Variants in EYA4 observed in about 807,000 individuals in gnomAD.
EYA4 encodes the protein EYA transcriptional coactivator and phosphatase 4.
In EYA4, 31 loss-of-function variants were observed where a neutral mutation model predicts 87.9. The ratio of observed to expected loss-of-function variants is 0.35; its 90% CI spans 0.27 to 0.48. The LOEUF (loss-of-function observed/expected upper bound fraction) is 0.48. Ranked by LOEUF, EYA4 falls within the 20% of genes least tolerant of loss-of-function variation. The pLI is 0.99. For missense variants in EYA4, 678 were observed against 761.4 expected (o/e 0.89, Z 1.29); for synonymous variants, 263 against 270.6 (o/e 0.97, Z 0.28).
rs1306863760 is a variant in EYA4 at position 133,529,217 on chromosome 6, C to T, written c.*412C>T. On this transcript the variant is annotated 3_prime_UTR_variant, in exon 20 of 20. Coordinates refer to ENST00000355286, the MANE Select transcript of EYA4 (RefSeq NM_004100.5). ...AGGTTTGAATCTGACTTTAGCCTAC[C>T]TAACCCAGAAAATCTGAATTGGAAT... 16 of 1,135,402 alleles carry T rather than the reference C, an allele frequency of 1.4e-5. No individual in the cohort carries two copies. Among genetic ancestry groups the T allele is most frequent in the Non-Finnish European group, 1.7e-5 (16 of 918,144 alleles). The allele number at this position is 1,135,402 out of a possible 1,614,324, so 70.3% of individuals were successfully genotyped here. A position where few individuals can be genotyped will look rare whatever the true frequency, so the allele number is the denominator to read the frequency against.
intron 2 of EYA4, among the ~76,000 whole-genome samples, chr6:133,368,057 C>G (rs1784988499): frequency 6.6e-6 from 1 of 152,142 alleles, no homozygotes; most frequent in African/African-American, 2.4e-5. Context: ...TATTAAAAAT[C>G]ATCTATGCAA....
intron 17 of EYA4, among the ~76,000 whole-genome samples, chr6:133,522,524 C>T (rs922612578): frequency 1.3e-5 from 2 of 152,010 alleles, no homozygotes. Flanking sequence ...AACAGAAACA[C>T]TGAAAGTAAA....
At chr6:133,473,065 A>G (rs1327992137) in intron 11 of EYA4, among the ~76,000 whole-genome samples, 1 of 152,054 alleles carries the variant, frequency 6.6e-6, no homozygotes. Context: ...ATTCACTAAG[A>G]AAAATTAGGT....
intron 9 of EYA4, 44 bp downstream of exon 9, chr6:133,462,808 T>C (rs1356379560): frequency 3.8e-6 from 6 of 1,579,404 alleles, no homozygotes; most frequent in Admixed American, 1.7e-5. Flanking sequence ...AACTAATTCT[T>C]TGAGTGAGAC....
intron 2 of EYA4, among the ~76,000 whole-genome samples, chr6:133,307,069 A>G (rs374241346): frequency 1.9e-4 from 29 of 152,330 alleles, no homozygotes; most frequent in African/African-American, 5.8e-4. Flanking sequence ...TTTGAAATGT[A>G]TTTAAGCCAC....
chr6:133,291,613 T>C (rs1778495159), intron 2 of EYA4, among the ~76,000 whole-genome samples: 1 of 152,184 alleles, frequency 6.6e-6, no homozygotes. Context: ...GGCTGAAGAT[T>C]CCTAAGTTCA....
Position 133,468,636 on chromosome 6 carries a change from C to A in EYA4, c.875C>A (p.Ala292Glu). Reference sequence around the variant, plus strand: ...TATTATTCAGCATCAACGTATGGAGCGTATATGACATCGAATAACACAGCC... The same window carrying A: ...TATTATTCAGCATCAACGTATGGAGAGTATATGACATCGAATAACACAGCC... ...AQYYSASTYG[A>E]YMTSNNTADG... is the part of the protein sequence containing the mutation. Residue 292 changes from alanine to glutamate, a missense_variant, in exon 11 of 20, where the codon GCG becomes GAG. Ala to Glu is a moderately radical substitution (Grantham distance 107). Transcript: ENST00000355286. The A allele has an allele frequency of 3.7e-6, 6 of 1,612,374 alleles. No homozygotes were observed. Among genetic ancestry groups the A allele is most frequent in the Non-Finnish European group, 5.1e-6 (6 of 1,178,682 alleles).
chr6:133,354,051 T>C (rs1783834212), intron 2 of EYA4, among the ~76,000 whole-genome samples: 1 of 152,206 alleles, frequency 6.6e-6, no homozygotes, highest in South Asian at 2.1e-4. Context: ...TTGAATAGAA[T>C]GCTCATAGCA....
intron 2 of EYA4, among the ~76,000 whole-genome samples, chr6:133,298,640 G>A (rs9402501): frequency 0.15 from 23,062 of 152,030 alleles, 1,800 homozygotes; most frequent in Non-Finnish European, 0.17. Context: ...CTTAGTTTCC[G>A]CATCTCCAAA....
intron 2 of EYA4, among the ~76,000 whole-genome samples, chr6:133,337,716 T>C (rs1228653962): frequency 6.6e-6 from 1 of 152,116 alleles, no homozygotes; most frequent in African/African-American, 2.4e-5. Context: ...AATAATAAAC[T>C]CTTTTTAATT....
rs112239428 is a variant in EYA4, at chr6:133,401,149, A to G, written c.83+18708A>G. Among the ~76,000 whole-genome samples the G allele has an allele frequency of 8.0e-3, 1,215 of 152,324 alleles. 18 individuals carry two copies. Among genetic ancestry groups the G allele is most frequent in the African/African-American group, 0.028 (1,153 of 41,560 alleles). On this transcript the variant is annotated intron_variant, in intron 3 of 19. Coordinates refer to ENST00000355286, the MANE Select transcript of EYA4 (RefSeq NM_004100.5). The stretch of plus-strand genomic sequence containing the variant: ...GAAGTAAGACAAGCACGGAAAAGCA[A>G]GTATCACATATTCTCACTCCTATGT...
chr6:133,332,211 T>C lies in EYA4; in HGVS notation c.34-50181T>C, dbSNP rs117010162. 3.9e-3 allele frequency among the ~76,000 whole-genome samples: 594 copies of C among 152,334 alleles called. 6 individuals are homozygous for C. Among genetic ancestry groups the C allele is most frequent in the East Asian group, 0.034 (178 of 5,180 alleles). ...AAAGAGGAGGCTTGAGTCTTGTTCT[T>C]TGAAGCCAAGGAAATCAGGGTTAGG... On this transcript the variant is annotated intron_variant, in intron 2 of 19. Coordinates refer to ENST00000355286, the MANE Select transcript of EYA4 (RefSeq NM_004100.5).
intron 13 of EYA4, among the ~76,000 whole-genome samples, chr6:133,498,342 C>A (rs961560665): frequency 6.6e-6 from 1 of 151,968 alleles, no homozygotes; most frequent in Non-Finnish European, 1.5e-5. Flanking sequence ...CATTTATGAG[C>A]CTCAGTTGTC....
chr6:133,372,876 T>A (rs953814339), intron 2 of EYA4, among the ~76,000 whole-genome samples: 2 of 152,000 alleles, frequency 1.3e-5, no homozygotes, highest in East Asian at 1.9e-4. Flanking sequence ...TCTAATTTTT[T>A]TAAAAGTTAT....
chr6:133,263,595 G>T lies in EYA4; in HGVS notation c.-65-11121G>T, dbSNP rs1272455601. Among the ~76,000 whole-genome samples the T allele has an allele frequency of 1.3e-5, 2 of 152,194 alleles. 1 individual carries two copies. Among genetic ancestry groups the T allele is most frequent in the South Asian group, 4.1e-4 (2 of 4,830 alleles). On this transcript the variant is annotated intron_variant, in intron 1 of 19. Transcript: ENST00000355286. ...AATTTCGTGCAACTGGAGAAGACTTGCAGACCCTACCTAATGGGTTAAGCT... is the reference window on the plus strand; with the variant it reads ...AATTTCGTGCAACTGGAGAAGACTTTCAGACCCTACCTAATGGGTTAAGCT...
chr6:133,352,561 A>T (rs1366286637), intron 2 of EYA4, among the ~76,000 whole-genome samples: 5 of 152,162 alleles, frequency 3.3e-5, no homozygotes, highest in African/African-American at 1.2e-4. Context: ...ATCTAGAAAA[A>T]AATTAAGTTA....
At chr6:133,302,796 T>C (rs919078777) in intron 2 of EYA4, among the ~76,000 whole-genome samples, 1 of 152,218 alleles carries the variant, frequency 6.6e-6, no homozygotes, top group African/African-American at 2.4e-5. Flanking sequence ...TTTTGAAAAG[T>C]TCGTAGAATT....
At chr6:133,475,807 G>T (rs1017112285) in intron 11 of EYA4, among the ~76,000 whole-genome samples, 2 of 152,096 alleles carry the variant, frequency 1.3e-5, no homozygotes, top group African/African-American at 4.8e-5. Flanking sequence ...CAAGTTCCTG[G>T]TTTTACCCTT....
intron 13 of EYA4, among the ~76,000 whole-genome samples, chr6:133,500,486 C>T (rs1798017984): frequency 6.6e-6 from 1 of 152,134 alleles, no homozygotes. Flanking sequence ...GGTGCAAGCA[C>T]TCTTGGGGTC....
Sources: allele counts gnomAD v4.1 joint callset (sites outside exome capture counted in the v4.1 genomes callset), GRCh38; gene constraint gnomAD v4.1.1; transcripts MANE v1.5; gene names NCBI Gene and HGNC (gene_info 2026-07-23, HGNC 2026-07-21).